The following GNGT2 variants were observed in gnomAD, a reference collection of about 807,000 sequenced individuals.
GNGT2 encodes the protein G protein subunit gamma transducin 2, also known as guanine nucleotide-binding protein G(I)/G(S)/G(O) subunit gamma-T2.
Under a neutral mutation model 3.5 loss-of-function variants are expected in GNGT2, and 4 were observed. The ratio of observed to expected loss-of-function variants is 1.13; its 90% CI spans 0.56 to 2.59. The LOEUF (loss-of-function observed/expected upper bound fraction) is 2.59, where lower values mean the gene tolerates loss of function less well. Among genes scored for constraint, GNGT2 ranks in the 30% most tolerant of loss-of-function variants. The pLI, the probability that GNGT2 is intolerant of heterozygous loss-of-function variation, is 0.02. For synonymous variants in GNGT2, 31 were observed against 29.5 expected (o/e 1.05, Z -0.17); for missense variants, 64 against 81.2 (o/e 0.79, Z 0.82).
Position 49,206,703 on chromosome 17 carries a change from G to A in GNGT2, c.*54C>T, listed in dbSNP as rs2043109777. The A allele has an allele frequency of 6.4e-7, 1 of 1,558,892 alleles. No individual in the cohort carries two copies. Among genetic ancestry groups the A allele is most frequent in the South Asian group, 1.2e-5 (1 of 83,892 alleles). On this transcript the variant is annotated 3_prime_UTR_variant, in exon 4 of 4. Transcript: ENST00000507680. ...GTTCACTGGCTCCCTGGGGGTCTAGGAGACTTGGGCTTGGCTGAAGAGGGA... is the reference window on the plus strand; with the variant it reads ...GTTCACTGGCTCCCTGGGGGTCTAGAAGACTTGGGCTTGGCTGAAGAGGGA...
chr17:49,207,484 G>T, intron 2 of GNGT2, 40 bp from the exon 3 acceptor site: 1 of 1,071,678 alleles, frequency 9.3e-7, no homozygotes, highest in Non-Finnish European at 1.5e-6. Flanking sequence ...AATCTCATCA[G>T]CTCTTCCAGC....
At chr17:49,209,435 TGG>T (rs2043138164) in intron 1 of GNGT2, 1 of 152,294 alleles carries the variant, frequency 6.6e-6, no homozygotes, top group African/African-American at 2.4e-5. Flanking sequence ...ACTTAGTACT[TGG>T]GGCGTGGCCA....
At position 49,206,581 on chromosome 17, in the gene GNGT2, T is replaced by G; in HGVS notation, c.*176A>C. On this transcript the variant is annotated 3_prime_UTR_variant, in exon 4 of 4. Coordinates refer to ENST00000507680, the MANE Select transcript of GNGT2 (RefSeq NM_001198754.2). ...GCAGAGACCCAGCAGGTGGAGGAAA[T>G]AATGGGAGAAAAGAGTTGAAGGTGG... The G allele has an allele frequency of 1.6e-6, 1 of 609,734 alleles. No individual in the cohort carries two copies. The highest frequency in any genetic ancestry group is 3.3e-5 in the Admixed American group (1 of 30,062). 37.8% of individuals were successfully genotyped at this position (609,734 alleles called of 1,614,324 possible).
rs191157469 is a variant in GNGT2 at position 49,207,837 on chromosome 17, G to C, written c.-22-393C>G. On this transcript the variant is annotated intron_variant, in intron 2 of 3. Transcript: ENST00000507680. ...TCAGAGTTTTCCTCTTTCTCTCCAG[G>C]TCCAGCAAGGGAGAGTATACAATAA... Among the ~76,000 whole-genome samples the C allele has an allele frequency of 7.2e-5, 11 of 152,256 alleles. No homozygotes were observed. The East Asian group carries it at 1.9e-3, about 27-fold the overall frequency.
Position 49,206,733 on chromosome 17 carries a change from C to T in GNGT2, c.*24G>A. On this transcript the variant is annotated 3_prime_UTR_variant, in exon 4 of 4. Transcript: ENST00000507680. ...TTGGGCTTGGCTGAAGAGGGACAGACACTCAGGGCAGGGCTCCATGCCATC... is the reference window on the plus strand; with the variant it reads ...TTGGGCTTGGCTGAAGAGGGACAGATACTCAGGGCAGGGCTCCATGCCATC... 1 of 1,600,308 alleles carries T rather than the reference C, an allele frequency of 6.2e-7. No homozygotes were observed.
At chr17:49,209,659 G>A (rs1337103401) in intron 1 of GNGT2, among the ~76,000 whole-genome samples, 1 of 152,152 alleles carries the variant, frequency 6.6e-6, no homozygotes, top group Non-Finnish European at 1.5e-5. Context: ...AAAGTTAAGG[G>A]ACCAATATGG....
intron 3 of GNGT2, 75 bp from the exon 4 acceptor site, chr17:49,206,957 C>A: frequency 6.5e-7 from 1 of 1,529,950 alleles, no homozygotes; most frequent in Non-Finnish European, 9.0e-7. Context: ...GCCAGAAAAA[C>A]AGGCTTCTGG....
intron 1 of GNGT2, among the ~76,000 whole-genome samples, chr17:49,209,758 CT>C (rs2043141844): frequency 6.6e-6 from 1 of 152,192 alleles, no homozygotes; most frequent in Non-Finnish European, 1.5e-5. Flanking sequence ...TCCATCCTAA[CT>C]TCCGTGCTCC....
rs1033866484 is a variant in GNGT2 at position 49,210,006 on chromosome 17, G to A, written c.-133+438C>T. On this transcript the variant is annotated intron_variant, in intron 1 of 3. Transcript: ENST00000507680. The surrounding 1 kb of genome is among the most constrained non-coding windows in gnomAD (Gnocchi z 4.2). ...GTCTAATCTGAGTCCCTCACATTAC[G>A]CTTGGTCAATTTCATCTTGTCCTGC... Among the ~76,000 whole-genome samples, 1 of 152,082 alleles carries A rather than the reference G, an allele frequency of 6.6e-6. No individual in the cohort carries two copies. The highest frequency in any genetic ancestry group is 2.1e-4 in the South Asian group (1 of 4,824).
At chr17:49,208,633 T>C (rs756653418) in intron 2 of GNGT2, among the ~76,000 whole-genome samples, 40 of 152,102 alleles carry the variant, frequency 2.6e-4, no homozygotes, top group Non-Finnish European at 1.5e-5. Flanking sequence ...ACCTACCACA[T>C]GCAATTATTG....
At position 49,210,510 on chromosome 17, in the gene GNGT2, C is replaced by T. The variant is rs1316695256; in HGVS notation, c.-199G>A. 4 of 449,792 alleles carry T rather than the reference C, an allele frequency of 8.9e-6. No homozygotes were observed. In the East Asian group the frequency reaches 1.0e-4, roughly 11 times the overall value. 27.9% of individuals were successfully genotyped at this position (449,792 alleles called of 1,614,324 possible). ...AAATGGGCCCCTGGCTTCCCCCTTC[C>T]TCTGGGCAGGGGACAGAGAGACACA... On this transcript the variant is annotated 5_prime_UTR_variant, in exon 1 of 4. Transcript: ENST00000507680. This position sits in a 1 kb window ranked among gnomAD's most constrained non-coding sequence, Gnocchi z 4.2.
intron 2 of GNGT2, 103 bp from the exon 3 acceptor site, chr17:49,207,547 G>A (rs752789716): frequency 5.5e-6 from 4 of 721,350 alleles, no homozygotes; most frequent in Non-Finnish European, 1.0e-5. Context: ...CTCAGTTCAG[G>A]CCCCTCATCA....
rs1327588764 is a variant in GNGT2 at position 49,207,324 on chromosome 17, G to A, written c.84+15C>T. On this transcript the variant is annotated intron_variant, in intron 3 of 3. Coordinates refer to ENST00000507680, the MANE Select transcript of GNGT2 (RefSeq NM_001198754.2). Reference sequence around the variant, plus strand: ...AACAGGAAGGGAAGAGCAGGGACGGGGCGAGGAGGCTCACCGGAATTCTTG... The same window carrying A: ...AACAGGAAGGGAAGAGCAGGGACGGAGCGAGGAGGCTCACCGGAATTCTTG... The A allele has an allele frequency of 6.3e-7, 1 of 1,585,698 alleles. No homozygotes were observed. The highest frequency in any genetic ancestry group is 8.7e-7 in the Non-Finnish European group (1 of 1,154,244).
rs772323382 is a variant in GNGT2, at chr17:49,207,328, A to G, written c.84+11T>C. 1.9e-6 allele frequency: 3 copies of G among 1,593,822 alleles called. No homozygotes were observed. The highest frequency in any genetic ancestry group is 2.6e-6 in the Non-Finnish European group (3 of 1,161,608). On this transcript the variant is annotated intron_variant, in intron 3 of 3. Transcript: ENST00000507680. ...GGAAGGGAAGAGCAGGGACGGGGCG[A>G]GGAGGCTCACCGGAATTCTTGTGTT...
At position 49,210,246 on chromosome 17, in the gene GNGT2, C is replaced by T. The variant is rs564577594; in HGVS notation, c.-133+198G>A. 64 of 155,050 alleles carry T rather than the reference C, an allele frequency of 4.1e-4. No individual in the cohort carries two copies. The highest frequency in any genetic ancestry group is 1.5e-3 in the African/African-American group (61 of 41,608). 9.6% of individuals were successfully genotyped at this position (155,050 alleles called of 1,614,324 possible). On this transcript the variant is annotated intron_variant, in intron 1 of 3. Transcript: ENST00000507680. This position sits in a 1 kb window ranked among gnomAD's most constrained non-coding sequence, Gnocchi z 4.2. ...TCCATATCCTATCCACCCTCCACTC[C>T]CCTGTCCCTTGGTGACTCATCCCTG...
Position 49,206,249 on chromosome 17 carries a change from C to G in GNGT2, c.*508G>C, listed in dbSNP as rs1327328487. 1 of 152,920 alleles carries G rather than the reference C, an allele frequency of 6.5e-6. No individual in the cohort carries two copies. Among genetic ancestry groups the G allele is most frequent in the African/African-American group, 2.4e-5 (1 of 41,456 alleles). 9.5% of individuals were successfully genotyped at this position (152,920 alleles called of 1,614,324 possible). ...AATCATGAAATCATAACTTCACAAACTCTTGTTGTCATCAGGCCATCTGGG... is the reference window on the plus strand; with the variant it reads ...AATCATGAAATCATAACTTCACAAAGTCTTGTTGTCATCAGGCCATCTGGG... On this transcript the variant is annotated 3_prime_UTR_variant, in exon 4 of 4. Transcript: ENST00000507680.
chr17:49,207,284 C>G, intron 3 of GNGT2, 55 bp downstream of exon 3: 1 of 1,297,310 alleles, frequency 7.7e-7, no homozygotes, highest in Non-Finnish European at 1.1e-6. Context: ...TTCCTCCTTC[C>G]CGGGGCTCAT....
chr17:49,207,426 GC>G lies in GNGT2; in HGVS notation c.-5del, dbSNP rs1201908114. 1.3e-6 allele frequency: 2 copies of G among 1,597,910 alleles called. No homozygotes were observed. Among genetic ancestry groups the G allele is most frequent in the Admixed American group, 1.7e-5 (1 of 59,988 alleles). ...TCTCGCTGAGATCCTGGGCCATCCT[GC>G]CCTAGACAGACCTGATCCTGGAAAG... On this transcript the variant is annotated 5_prime_UTR_variant, in exon 3 of 4. Transcript: ENST00000507680.
chr17:49,206,596 G>A lies in GNGT2; in HGVS notation c.*161C>T. Reference sequence around the variant, plus strand: ...GTGGAGGAAATAATGGGAGAAAAGAGTTGAAGGTGGGAGTGGGGAATGGGT... The same window carrying A: ...GTGGAGGAAATAATGGGAGAAAAGAATTGAAGGTGGGAGTGGGGAATGGGT... On this transcript the variant is annotated 3_prime_UTR_variant, in exon 4 of 4. Coordinates refer to ENST00000507680, the MANE Select transcript of GNGT2 (RefSeq NM_001198754.2). 1.5e-6 allele frequency: 1 copy of A among 647,762 alleles called. No homozygotes were observed. Among genetic ancestry groups the A allele is most frequent in the East Asian group, 2.9e-5 (1 of 34,704 alleles). The allele number at this position is 647,762 out of a possible 1,614,324, so 40.1% of individuals were successfully genotyped here.
Sources: allele counts gnomAD v4.1 joint callset (sites outside exome capture counted in the v4.1 genomes callset), GRCh38; gene constraint gnomAD v4.1.1; non-coding constraint Gnocchi (gnomAD v3.1); transcripts MANE v1.5; gene names NCBI Gene and HGNC (gene_info 2026-07-23, HGNC 2026-07-21).